Variants in ADAM12 observed in about 807,000 individuals in gnomAD.
ADAM12 encodes the protein ADAM metallopeptidase domain 12.
Under a neutral mutation model 106.4 loss-of-function variants are expected in ADAM12, and 70 were observed. The observed-to-expected ratio is 0.66, with a 90% CI of 0.54 to 0.80. The LOEUF is 0.80. Ranked by LOEUF, ADAM12 falls within the 30% of genes least tolerant of loss-of-function variation. The pLI is 0.00. For missense variants in ADAM12, 1,010 were observed against 1,171.9 expected (o/e 0.86, Z 2.02); for synonymous variants, 420 against 433.5 (o/e 0.97, Z 0.39).
intron 4 of ADAM12, among the ~76,000 whole-genome samples, chr10:126,149,461 A>G (rs1450560653): frequency 1.3e-5 from 2 of 152,212 alleles, no homozygotes; most frequent in Non-Finnish European, 2.9e-5. Context: ...TTGAGTGTCA[A>G]CTTGATTGGA....
intron 3 of ADAM12, among the ~76,000 whole-genome samples, chr10:126,240,289 T>C (rs551627819): frequency 6.6e-6 from 1 of 152,358 alleles, no homozygotes; most frequent in Admixed American, 6.5e-5. Context: ...CATTAAGCTC[T>C]GGGCATTGTG....
intron 3 of ADAM12, among the ~76,000 whole-genome samples, chr10:126,221,384 T>G (rs1437307560): frequency 1.4e-5 from 1 of 72,680 alleles, no homozygotes. Flanking sequence ...AGCAAGACTC[T>G]GTCTCAAAAA....
intron 20 of ADAM12, among the ~76,000 whole-genome samples, chr10:126,037,770 G>A (rs544946708): frequency 7.2e-5 from 11 of 152,240 alleles, no homozygotes; most frequent in Non-Finnish European, 1.5e-4. Flanking sequence ...GCTCAGGGCT[G>A]GAGCAAAATG....
rs1188616553 is a variant in ADAM12 at position 126,303,781 on chromosome 10, T to C, written c.187-24793A>G. ...GCTTCCTTAATTCATTGTAAGGTGA[T>C]GCCTCACCTTGTTTGTCCTAATTGT... On this transcript the variant is annotated intron_variant, in intron 2 of 22. Transcript: ENST00000448723. Among the ~76,000 whole-genome samples, 7 of 152,190 alleles carry C rather than the reference T, an allele frequency of 4.6e-5. No individual in the cohort carries two copies. The East Asian group carries it at 1.2e-3, about 25-fold the overall frequency.
chr10:126,052,225 G>T (rs1016896388), intron 14 of ADAM12, among the ~76,000 whole-genome samples: 20 of 152,220 alleles, frequency 1.3e-4, no homozygotes, highest in African/African-American at 4.6e-4. Flanking sequence ...TTCAGTGGAT[G>T]TGGGGTGTGC....
chr10:126,382,930 G>A (rs931457375), intron 1 of ADAM12, among the ~76,000 whole-genome samples: 2 of 152,152 alleles, frequency 1.3e-5, no homozygotes, highest in African/African-American at 4.8e-5. Context: ...ATTAAATGTG[G>A]TAGGATAAAA....
At chr10:126,166,134 C>T (rs962739551) in intron 3 of ADAM12, among the ~76,000 whole-genome samples, 2 of 152,216 alleles carry the variant, frequency 1.3e-5, no homozygotes, top group African/African-American at 4.8e-5. Flanking sequence ...TACTGCTTCA[C>T]TATAAGTCAC....
intron 1 of ADAM12, among the ~76,000 whole-genome samples, chr10:126,383,451 C>T (rs182812020): frequency 1.0e-3 from 152 of 152,072 alleles, no homozygotes; most frequent in Middle Eastern, 3.4e-3. Flanking sequence ...AATTGAAGAA[C>T]GAATATAAGA....
At chr10:126,335,260 AG>A (rs1159226067) in intron 1 of ADAM12, among the ~76,000 whole-genome samples, 1 of 152,242 alleles carries the variant, frequency 6.6e-6, no homozygotes, top group African/African-American at 2.4e-5. Flanking sequence ...ATTAGTCAAG[AG>A]AAACTTAAAT....
intron 3 of ADAM12, among the ~76,000 whole-genome samples, chr10:126,168,972 G>A (rs1957072506): frequency 6.6e-6 from 1 of 152,126 alleles, no homozygotes. Flanking sequence ...AGATTTGTGT[G>A]AATCCGAGAG....
intron 2 of ADAM12, among the ~76,000 whole-genome samples, chr10:126,300,331 C>T (rs986800066): frequency 1.3e-5 from 2 of 152,156 alleles, no homozygotes; most frequent in African/African-American, 2.4e-5. Context: ...TGGTCCCCCA[C>T]TGATAAACAG....
At chr10:126,304,793 C>CA (rs889209055) in intron 2 of ADAM12, among the ~76,000 whole-genome samples, 20 of 146,334 alleles carry the variant, frequency 1.4e-4, no homozygotes, top group African/African-American at 2.3e-4. Context: ...TGAACGTTTA[C>CA]AAAAAAAAAA....
At chr10:126,038,524 G>GT (rs946839524) in intron 19 of ADAM12, among the ~76,000 whole-genome samples, 175 bp from the exon 20 acceptor site, 1 of 152,114 alleles carries the variant, frequency 6.6e-6, no homozygotes, top group Non-Finnish European at 1.5e-5. Context: ...ATAAATACTG[G>GT]TTTTTCCCTC....
chr10:126,236,057 C>A lies in ADAM12; in HGVS notation c.260+42858G>T, dbSNP rs570070874. ...GGCAGGCGCTGAGGCTCTGCCAGGG[C>A]TTTGGGTTCCAACCTGAAAAGGACA... On this transcript the variant is annotated intron_variant, in intron 3 of 22. Transcript: ENST00000448723. Among the ~76,000 whole-genome samples the A allele has an allele frequency of 3.3e-5, 5 of 152,236 alleles. No homozygotes were observed. In the East Asian group the frequency reaches 9.7e-4, roughly 30 times the overall value.
chr10:126,222,605 G>A (rs1958116060), intron 3 of ADAM12, among the ~76,000 whole-genome samples: 1 of 151,716 alleles, frequency 6.6e-6, no homozygotes, highest in African/African-American at 2.4e-5. Context: ...GTCCTTTGGT[G>A]GCTCTGATCA....
intron 5 of ADAM12, among the ~76,000 whole-genome samples, chr10:126,119,858 G>A (rs1590441192): frequency 6.6e-6 from 1 of 152,182 alleles, no homozygotes; most frequent in African/African-American, 2.4e-5. Flanking sequence ...CTGCAGCTTG[G>A]TTTTCATTTC....
At chr10:126,099,963 T>C (rs114440100) in intron 9 of ADAM12, among the ~76,000 whole-genome samples, 2,452 of 145,302 alleles carry the variant, frequency 0.017, 57 homozygotes, top group African/African-American at 0.064. Context: ...TACTTCATAC[T>C]AATTTAGATT....
chr10:126,137,402 T>C (rs1180598970), intron 4 of ADAM12, among the ~76,000 whole-genome samples: 4 of 152,230 alleles, frequency 2.6e-5, no homozygotes, highest in East Asian at 3.8e-4. Flanking sequence ...TCACTTGCCA[T>C]AAAACTCACC....
chr10:126,054,909 C>T (rs902178726), intron 14 of ADAM12, among the ~76,000 whole-genome samples: 7 of 152,048 alleles, frequency 4.6e-5, no homozygotes, highest in Admixed American at 3.3e-4. Flanking sequence ...AGCCCCTGCT[C>T]GCATCACTTA....
Sources: gnomAD v4.1 joint callset for allele counts (sites outside exome capture counted in the v4.1 genomes callset) on GRCh38, gnomAD v4.1.1 for gene constraint, MANE v1.5 for transcripts, NCBI Gene and HGNC (gene_info 2026-07-23, HGNC 2026-07-21) for gene names.